PROX1: variants seen among roughly 807,000 people sequenced by gnomAD.
PROX1 encodes prospero homeobox protein 1.
Under a neutral mutation model 58.8 loss-of-function variants are expected in PROX1, and 7 were observed. That is an observed-to-expected ratio of 0.12 (90% CI 0.07 to 0.22). The LOEUF is 0.22. PROX1 is among the 10% of genes least tolerant of loss of function. PROX1 has a pLI of 1.00. For synonymous variants in PROX1, 350 were observed against 358.3 expected (o/e 0.98, Z 0.26); for missense variants, 675 against 927.8 (o/e 0.73, Z 3.54).
intron 2 of PROX1, among the ~76,000 whole-genome samples, chr1:213,999,826 C>T (rs1246589436): frequency 2.6e-5 from 4 of 152,180 alleles, no homozygotes; most frequent in Non-Finnish European, 5.9e-5. Context: ...AAATATTGAT[C>T]AAATGATTGG....
intron 4 of PROX1, among the ~76,000 whole-genome samples, chr1:214,016,017 T>C (rs932002070): frequency 2.0e-5 from 3 of 152,342 alleles, no homozygotes; most frequent in Admixed American, 2.0e-4. Context: ...CACTCATTAG[T>C]GGCCTTATGA....
chr1:214,005,331 A>G lies in PROX1; in HGVS notation c.1833+59A>G, dbSNP rs981004369. Reference sequence around the variant, plus strand: ...TTCTATGCATGTGGCAGTAATTTGAACTCCCGGAAGTTAATGGAGATGAAT... The same window carrying G: ...TTCTATGCATGTGGCAGTAATTTGAGCTCCCGGAAGTTAATGGAGATGAAT... On this transcript the variant is annotated intron_variant, in intron 3 of 4. Transcript: ENST00000366958. The G allele has an allele frequency of 3.7e-6, 5 of 1,340,346 alleles. No homozygotes were observed. The Admixed American group carries it at 5.4e-5, about 15-fold the overall frequency. 83.0% of individuals were successfully genotyped at this position (1,340,346 alleles called of 1,614,324 possible).
chr1:214,031,034 CGTGTGTGTGTGTGT>C (rs34640999), intron 4 of PROX1: 9 of 145,572 alleles, frequency 6.2e-5, no homozygotes, highest in South Asian at 2.2e-4. Context: ...CCCAACACAC[CGTGTGTGTGTGTGT>C]GTGTGTGTGT....
At chr1:213,991,944 A>G (rs559559387) in intron 1 of PROX1, among the ~76,000 whole-genome samples, 1 of 152,336 alleles carries the variant, frequency 6.6e-6, no homozygotes, top group East Asian at 1.9e-4. Context: ...TACCTGTGTA[A>G]CTTGGAAAGG....
chr1:214,005,089 A>AGGT, intron 2 of PROX1, 76 bp from the exon 3 acceptor site: 1 of 1,122,250 alleles, frequency 8.9e-7, no homozygotes, highest in East Asian at 2.4e-5. Context: ...GACTCTATGG[A>AGGT]GGTGGGGACT....
chr1:214,025,712 G>C (rs941775784), intron 4 of PROX1, among the ~76,000 whole-genome samples: 1 of 150,818 alleles, frequency 6.6e-6, no homozygotes, highest in African/African-American at 2.4e-5. Flanking sequence ...ACCCAGGCTG[G>C]AGTGCAGTGG....
intron 4 of PROX1, among the ~76,000 whole-genome samples, chr1:214,024,773 G>T (rs1481177146): frequency 6.6e-6 from 1 of 152,168 alleles, no homozygotes; most frequent in Non-Finnish European, 1.5e-5. Context: ...GATTATCTGT[G>T]CCCCAGCTTC....
intron 4 of PROX1, among the ~76,000 whole-genome samples, chr1:214,021,102 G>A (rs1664264083): frequency 6.6e-6 from 1 of 152,218 alleles, no homozygotes; most frequent in Non-Finnish European, 1.5e-5. Flanking sequence ...AGCATATTGG[G>A]AGAGGCTGGT....
intron 1 of PROX1, 91 bp from the exon 2 acceptor site, chr1:213,996,378 A>T: frequency 1.3e-6 from 1 of 770,024 alleles, no homozygotes; most frequent in Non-Finnish European, 2.0e-6. Flanking sequence ...CCCAGAGCCT[A>T]TGCATTTTGC....
intron 4 of PROX1, chr1:214,029,675 T>G (rs902130773): frequency 6.6e-6 from 1 of 152,158 alleles, no homozygotes; most frequent in African/African-American, 2.4e-5. Flanking sequence ...GTGTGAAAAT[T>G]GAGAGAGCAC....
intron 3 of PROX1, among the ~76,000 whole-genome samples, chr1:214,007,571 CAGAG>C (rs1195467876): frequency 6.6e-6 from 1 of 152,132 alleles, no homozygotes; most frequent in Non-Finnish European, 1.5e-5. Flanking sequence ...CAATGTGGTC[CAGAG>C]ACTTTCCAGA....
chr1:213,996,015 T>C (rs1409373738), intron 1 of PROX1, among the ~76,000 whole-genome samples: 2 of 152,218 alleles, frequency 1.3e-5, no homozygotes, highest in African/African-American at 2.4e-5. Flanking sequence ...ACCACACTAA[T>C]TGTAATGCAG....
intron 3 of PROX1, among the ~76,000 whole-genome samples, chr1:214,008,895 G>A (rs1196858495): frequency 1.3e-5 from 2 of 152,122 alleles, no homozygotes; most frequent in African/African-American, 2.4e-5. Flanking sequence ...GCTCATCGGG[G>A]CTACAAATCC....
At chr1:214,015,810 C>G (rs1018269691) in intron 4 of PROX1, among the ~76,000 whole-genome samples, 1 of 152,188 alleles carries the variant, frequency 6.6e-6, no homozygotes, top group South Asian at 2.1e-4. Context: ...CTCTCTTTCT[C>G]ATTCCAGGGT....
intron 4 of PROX1, among the ~76,000 whole-genome samples, chr1:214,017,549 C>T (rs2102745058): frequency 6.6e-6 from 1 of 151,596 alleles, no homozygotes; most frequent in Admixed American, 6.6e-5. Context: ...GTAACCTACC[C>T]TGTGGCTTTT....
intron 4 of PROX1, among the ~76,000 whole-genome samples, chr1:214,020,366 C>G (rs2102751550): frequency 6.6e-6 from 1 of 152,314 alleles, no homozygotes; most frequent in East Asian, 1.9e-4. Context: ...AGGTTCCTTT[C>G]TCTAAGTGAA....
chr1:213,988,625 G>A (rs1041487728), intron 1 of PROX1, 142 bp downstream of exon 1: 1 of 152,148 alleles, frequency 6.6e-6, no homozygotes, highest in African/African-American at 2.4e-5. Flanking sequence ...GGAGAAAATG[G>A]TGTTATTCAA....
intron 1 of PROX1, among the ~76,000 whole-genome samples, chr1:213,996,033 A>T (rs1571801135): frequency 6.6e-6 from 1 of 152,102 alleles, no homozygotes; most frequent in Non-Finnish European, 1.5e-5. Context: ...CAGAAATGCA[A>T]TTTTTCATGT....
chr1:214,032,440 G>A (rs1420068929), intron 4 of PROX1, among the ~76,000 whole-genome samples: 1 of 151,000 alleles, frequency 6.6e-6, no homozygotes, highest in African/African-American at 2.4e-5. Flanking sequence ...TGTCACCCAG[G>A]CTGTAGTGCA....
Sources: allele counts gnomAD v4.1 joint callset (sites outside exome capture counted in the v4.1 genomes callset), GRCh38; gene constraint gnomAD v4.1.1; transcripts MANE v1.5; gene names NCBI Gene and HGNC (gene_info 2026-07-23, HGNC 2026-07-21).